Variants in STK32B observed in about 807,000 individuals in gnomAD.
STK32B encodes serine/threonine kinase 32B.
A neutral mutation model predicts 52.6 loss-of-function variants in STK32B; 43 were observed. The ratio of observed to expected loss-of-function variants is 0.82; its 90% CI spans 0.64 to 1.05. STK32B has a LOEUF of 1.05. STK32B is among the 50% of genes least tolerant of loss of function. The pLI is 0.00. For synonymous variants in STK32B, 238 were observed against 204.3 expected, an observed-to-expected ratio of 1.17 and a Z score of -1.41; for missense variants, 621 against 534.6, an observed-to-expected ratio of 1.16 and a Z score of -1.59.
At chr4:5,257,855 A>G (rs1041115059) in intron 3 of STK32B, among the ~76,000 whole-genome samples, 4 of 152,238 alleles carry the variant, frequency 2.6e-5, no homozygotes, top group Non-Finnish European at 5.9e-5. Flanking sequence ...ATGTAGGAGA[A>G]TAGTTTGAGC....
intron 3 of STK32B, among the ~76,000 whole-genome samples, chr4:5,184,503 C>A (rs888789227): frequency 6.6e-6 from 1 of 151,950 alleles, no homozygotes; most frequent in Non-Finnish European, 1.5e-5. Context: ...GTCTGGCCAA[C>A]ATGGTGAAAC....
chr4:5,293,961 T>C (rs1309168996), intron 3 of STK32B, among the ~76,000 whole-genome samples: 1 of 152,152 alleles, frequency 6.6e-6, no homozygotes, highest in East Asian at 1.9e-4. Context: ...GAGTTATTTT[T>C]CTATAAGGTG....
At chr4:5,413,021 C>G (rs1711834444) in intron 5 of STK32B, among the ~76,000 whole-genome samples, 1 of 152,120 alleles carries the variant, frequency 6.6e-6, no homozygotes, top group African/African-American at 2.4e-5. Flanking sequence ...CCACACAGCC[C>G]TTGTGCTGAC....
At chr4:5,040,501 C>T in the STK32B span, among the ~76,000 whole-genome samples, 1 of 149,608 alleles carries the variant, frequency 6.7e-6, no homozygotes, top group Admixed American at 6.7e-5. Context: ...TCAAGCAATT[C>T]TCCTACCTCA....
chr4:5,467,950 C>T lies in STK32B; in HGVS notation c.1042-56C>T, dbSNP rs1222921506. ...CTGCCGTCCTGTGATGCTCCATTACCGCGCGTCCCCGGACCGTGCTTTGTC... is the reference window on the plus strand; with the variant it reads ...CTGCCGTCCTGTGATGCTCCATTACTGCGCGTCCCCGGACCGTGCTTTGTC... On this transcript the variant is annotated intron_variant, in intron 10 of 11. Coordinates refer to ENST00000282908, the MANE Select transcript of STK32B (RefSeq NM_018401.3). The surrounding 1 kb of genome is among the most constrained non-coding windows in gnomAD (Gnocchi z 5.8). The T allele has an allele frequency of 1.1e-5, 17 of 1,593,072 alleles. No individual in the cohort carries two copies. The highest frequency in any genetic ancestry group is 1.7e-4 in the Middle Eastern group (1 of 5,716).
chr4:5,334,753 G>A (rs1031082436), intron 4 of STK32B, among the ~76,000 whole-genome samples: 5 of 151,400 alleles, frequency 3.3e-5, no homozygotes, highest in African/African-American at 9.8e-5. Flanking sequence ...TTTTGTCTTT[G>A]GTTCTGTTTA....
rs867996394 is a variant in STK32B, at chr4:5,491,265, T to A, written c.1107-7680T>A. Among the ~76,000 whole-genome samples the A allele has an allele frequency of 2.0e-5, 3 of 152,332 alleles. No individual in the cohort carries two copies. In the Middle Eastern group the frequency reaches 0.01, roughly 518 times the overall value. Reference sequence around the variant, plus strand: ...TTCCTGACTTTTTAATGATTGCCATTCTAACTAACTGGTGTGAGATGGTAT... The same window carrying A: ...TTCCTGACTTTTTAATGATTGCCATACTAACTAACTGGTGTGAGATGGTAT... On this transcript the variant is annotated intron_variant, in intron 11 of 11. Coordinates refer to ENST00000282908, the MANE Select transcript of STK32B (RefSeq NM_018401.3).
chr4:5,125,157 G>A (rs767491879), intron 1 of STK32B, among the ~76,000 whole-genome samples: 1 of 152,116 alleles, frequency 6.6e-6, no homozygotes, highest in Non-Finnish European at 1.5e-5. Context: ...AATGATCTGG[G>A]AAGCAGATTC....
intron 7 of STK32B, among the ~76,000 whole-genome samples, chr4:5,450,913 A>G (rs1715930797): frequency 6.6e-6 from 1 of 152,106 alleles, no homozygotes; most frequent in Non-Finnish European, 1.5e-5. Context: ...CTTGCTGACC[A>G]TTAGCAAGTA....
chr4:5,485,641 C>G (rs1371959332), intron 11 of STK32B, among the ~76,000 whole-genome samples: 1 of 152,172 alleles, frequency 6.6e-6, no homozygotes, highest in African/African-American at 2.4e-5. Flanking sequence ...GAGCTGCGTT[C>G]CTTTGGAGGA....
intron 3 of STK32B, among the ~76,000 whole-genome samples, chr4:5,185,088 T>C (rs1720645654): frequency 6.6e-6 from 1 of 152,242 alleles, no homozygotes; most frequent in Non-Finnish European, 1.5e-5. Flanking sequence ...TGTCTTGCGT[T>C]TTTAGCATTA....
chr4:5,235,647 C>G (rs1027697885), intron 3 of STK32B, among the ~76,000 whole-genome samples: 5 of 151,604 alleles, frequency 3.3e-5, no homozygotes, highest in Non-Finnish European at 5.9e-5. Context: ...TACACCATGA[C>G]TTGTTAAAGT....
intron 3 of STK32B, among the ~76,000 whole-genome samples, chr4:5,317,066 ATATATTATATAT>A (rs1731005095): frequency 2.3e-5 from 1 of 43,920 alleles, no homozygotes; most frequent in Non-Finnish European, 3.1e-5. Flanking sequence ...ATATGATATA[ATATATTATATAT>A]TATATATATA....
intron 11 of STK32B, among the ~76,000 whole-genome samples, chr4:5,483,408 G>A (rs1364625677): frequency 6.6e-6 from 1 of 152,088 alleles, no homozygotes; most frequent in Non-Finnish European, 1.5e-5. Context: ...ATGGTAGCTT[G>A]TATTTCTGTG....
At chr4:5,334,256 A>G (rs538136051) in intron 4 of STK32B, among the ~76,000 whole-genome samples, 1 of 149,062 alleles carries the variant, frequency 6.7e-6, no homozygotes, top group South Asian at 2.1e-4. Context: ...ATGGGAATTC[A>G]CTCATGATTT....
At chr4:5,458,541 C>T (rs192579675) in intron 8 of STK32B, 1 of 152,306 alleles carries the variant, frequency 6.6e-6, no homozygotes, top group East Asian at 1.9e-4. Flanking sequence ...GATCCAAACT[C>T]TCCTAACTTC....
chr4:5,438,102 A>G (rs2369708), intron 6 of STK32B: 79,208 of 983,898 alleles, frequency 0.081, 4,018 homozygotes, highest in East Asian at 0.39. Context: ...ACACCTCGGC[A>G]CACACAGCCA....
At chr4:5,152,660 C>A (rs1207095591) in intron 2 of STK32B, among the ~76,000 whole-genome samples, 1 of 152,254 alleles carries the variant, frequency 6.6e-6, no homozygotes, top group Non-Finnish European at 1.5e-5. Context: ...ACGCAGTTCT[C>A]ATTCGGTGAC....
intron 3 of STK32B, among the ~76,000 whole-genome samples, chr4:5,211,664 G>T (rs1387376717): frequency 6.6e-6 from 1 of 152,168 alleles, no homozygotes; most frequent in Admixed American, 6.5e-5. Flanking sequence ...TCTCTCTTCT[G>T]TTAACTCACC....
Sources: gnomAD v4.1 joint callset for allele counts (sites outside exome capture counted in the v4.1 genomes callset) on GRCh38, gnomAD v4.1.1 for gene constraint, Gnocchi (gnomAD v3.1) non-coding constraint, MANE v1.5 for transcripts, NCBI Gene and HGNC (gene_info 2026-07-23, HGNC 2026-07-21) for gene names.